The following RANBP17 variants were observed in gnomAD, a reference collection of about 807,000 sequenced individuals.
The protein encoded by RANBP17 is ran-binding protein 17.
In RANBP17, 158 loss-of-function variants were observed where a neutral mutation model predicts 141.2. That is an observed-to-expected ratio of 1.12 (90% CI 0.98 to 1.28). The LOEUF is 1.28. Ranked by LOEUF, RANBP17 falls within the 50% of genes most tolerant of loss-of-function variation. The probability of loss-of-function intolerance (pLI) is 0.00; values close to 1 mark genes in which losing one functional copy is unlikely to be tolerated. For synonymous variants in RANBP17, 430 were observed against 450.0 expected (o/e 0.96, Z 0.56); for missense variants, 1,438 against 1,290.7 (o/e 1.11, Z -1.75).
intron 25 of RANBP17, among the ~76,000 whole-genome samples, chr5:171,272,057 C>T (rs1371353617): frequency 6.6e-6 from 1 of 152,132 alleles, no homozygotes. Flanking sequence ...ATGGATGGAG[C>T]TGGAGGCTAT....
chr5:170,932,088 A>G (rs1206513638), intron 12 of RANBP17, among the ~76,000 whole-genome samples: 1 of 152,112 alleles, frequency 6.6e-6, no homozygotes, highest in Non-Finnish European at 1.5e-5. Context: ...TTCACTGAGC[A>G]GTGGTTTGTA....
chr5:171,113,497 A>G (rs912071734), intron 14 of RANBP17, among the ~76,000 whole-genome samples: 21 of 152,140 alleles, frequency 1.4e-4, no homozygotes, highest in Non-Finnish European at 2.5e-4. Context: ...TAGCTGTCGT[A>G]TTATTATCCA....
chr5:171,223,571 G>A, intron 22 of RANBP17, among the ~76,000 whole-genome samples: 1 of 152,110 alleles, frequency 6.6e-6, no homozygotes, highest in East Asian at 1.9e-4. Context: ...GGAGGCAGAG[G>A]TTGCAGTGAG....
At chr5:170,896,980 T>A in intron 5 of RANBP17, 1 of 1,069,042 alleles carries the variant, frequency 9.4e-7, no homozygotes. Flanking sequence ...CCAGATTGGC[T>A]GCTGCTTCTG....
chr5:170,946,850 C>CA (rs1390278015), intron 12 of RANBP17, among the ~76,000 whole-genome samples: 3 of 151,960 alleles, frequency 2.0e-5, no homozygotes, highest in Non-Finnish European at 2.9e-5. Context: ...AAATCACTAA[C>CA]AAAAAACACA....
chr5:170,880,115 T>C (rs1297960518), intron 2 of RANBP17, among the ~76,000 whole-genome samples: 1 of 152,230 alleles, frequency 6.6e-6, no homozygotes, highest in Non-Finnish European at 1.5e-5. Context: ...TTATATTGAA[T>C]TAATGTGTCC....
At chr5:171,259,166 G>A (rs1483224621) in intron 24 of RANBP17, among the ~76,000 whole-genome samples, 1 of 152,150 alleles carries the variant, frequency 6.6e-6, no homozygotes, top group Non-Finnish European at 1.5e-5. Context: ...AAACCACAGT[G>A]AGATACCATC....
chr5:171,108,924 A>G (rs1755032871), intron 14 of RANBP17, among the ~76,000 whole-genome samples: 1 of 152,184 alleles, frequency 6.6e-6, no homozygotes, highest in Non-Finnish European at 1.5e-5. Context: ...AAAAACAAAA[A>G]CAATATACCA....
rs12657907 is a variant in RANBP17, at chr5:171,144,565, T to C, written c.1711-25565T>C. On this transcript the variant is annotated intron_variant, in intron 14 of 27. Coordinates refer to ENST00000523189, the MANE Select transcript of RANBP17 (RefSeq NM_022897.5). Reference sequence around the variant, plus strand: ...CCATCTTGCCTCTTTCACTTATTGATGGCTGCGAATGGTGCCCCCATTGCC... The same window carrying C: ...CCATCTTGCCTCTTTCACTTATTGACGGCTGCGAATGGTGCCCCCATTGCC... Among the ~76,000 whole-genome samples the C allele has an allele frequency of 0.011, 1,715 of 152,288 alleles. 125 individuals are homozygous for C. The East Asian group carries it at 0.22, about 19-fold the overall frequency.
At chr5:171,146,053 C>T (rs1253661697) in intron 14 of RANBP17, among the ~76,000 whole-genome samples, 3 of 152,178 alleles carry the variant, frequency 2.0e-5, no homozygotes, top group African/African-American at 7.2e-5. Flanking sequence ...CTACTTCTAA[C>T]ATTGGTAAGG....
chr5:171,107,009 A>G (rs140786581), intron 14 of RANBP17, among the ~76,000 whole-genome samples: 335 of 145,678 alleles, frequency 2.3e-3, no homozygotes, highest in African/African-American at 7.6e-3. Flanking sequence ...GGGGTTTAGG[A>G]CCCACGTATC....
At chr5:171,163,217 C>A (rs534320977) in intron 14 of RANBP17, among the ~76,000 whole-genome samples, 1 of 152,156 alleles carries the variant, frequency 6.6e-6, no homozygotes, top group African/African-American at 2.4e-5. Context: ...TTATTTGAAA[C>A]GATATGGAAA....
At chr5:171,047,296 G>A (rs776975734) in intron 14 of RANBP17, among the ~76,000 whole-genome samples, 6 of 151,926 alleles carry the variant, frequency 3.9e-5, no homozygotes, top group Non-Finnish European at 7.4e-5. Flanking sequence ...GGGATTACAG[G>A]TGTGAGCCAC....
intron 3 of RANBP17, among the ~76,000 whole-genome samples, chr5:170,888,648 C>A (rs969548721): frequency 2.0e-5 from 3 of 152,106 alleles, no homozygotes; most frequent in Non-Finnish European, 4.4e-5. Flanking sequence ...CATCTGTGAG[C>A]AAAGACACTT....
In RANBP17 at chr5:171,088,290, G is replaced by A. The variant is rs1385717462; in HGVS notation, c.1711-81840G>A. ...TTTTCTTTAAGAATGTTGAATATTGGCCCCCACTCTTCTGGCTTATAGGGT... is the reference window on the plus strand; with the variant it reads ...TTTTCTTTAAGAATGTTGAATATTGACCCCCACTCTTCTGGCTTATAGGGT... On this transcript the variant is annotated intron_variant, in intron 14 of 27. Coordinates refer to ENST00000523189, the MANE Select transcript of RANBP17 (RefSeq NM_022897.5). Among the ~76,000 whole-genome samples the A allele has an allele frequency of 5.3e-5, 8 of 152,094 alleles. No individual in the cohort carries two copies. In the East Asian group the frequency reaches 1.5e-3, roughly 29 times the overall value.
chr5:171,005,687 A>G (rs1003485822), intron 14 of RANBP17, among the ~76,000 whole-genome samples: 34 of 152,362 alleles, frequency 2.2e-4, no homozygotes, highest in African/African-American at 7.9e-4. Context: ...GGCATGGGCA[A>G]GGACTTCATG....
intron 14 of RANBP17, among the ~76,000 whole-genome samples, chr5:171,010,441 C>G (rs1410904666): frequency 6.6e-6 from 1 of 152,116 alleles, no homozygotes; most frequent in Admixed American, 6.6e-5. Flanking sequence ...ATTCAGTTGT[C>G]TGTAAGAATA....
intron 14 of RANBP17, among the ~76,000 whole-genome samples, chr5:171,055,167 T>C (rs567038020): frequency 2.0e-5 from 3 of 152,228 alleles, no homozygotes; most frequent in South Asian, 2.1e-4. Context: ...CAAACTGATA[T>C]GGGGTTGCTA....
At chr5:170,896,826 T>C in intron 5 of RANBP17, 6 of 451,294 alleles carry the variant, frequency 1.3e-5, no homozygotes, top group Non-Finnish European at 2.5e-5. Flanking sequence ...CAAGACTCTG[T>C]CTCAAACAAC....
Sources: allele counts gnomAD v4.1 joint callset (sites outside exome capture counted in the v4.1 genomes callset), GRCh38; gene constraint gnomAD v4.1.1; transcripts MANE v1.5; gene names NCBI Gene and HGNC (gene_info 2026-07-23, HGNC 2026-07-21).